DMD: variants seen among roughly 807,000 people sequenced by gnomAD.
DMD encodes the protein dystrophin.
Under a neutral mutation model 330.1 loss-of-function variants are expected in DMD, and 63 were observed. The observed-to-expected ratio is 0.19, with a 90% CI of 0.16 to 0.24. DMD has a LOEUF of 0.24. DMD is among the 10% of genes least tolerant of loss of function. DMD has a pLI of 1.00. For synonymous variants in DMD, 1,223 were observed against 959.8 expected (o/e 1.27, Z -5.07); for missense variants, 3,344 against 2,684.1 (o/e 1.25, Z -5.43).
intron 60 of DMD, among the ~76,000 whole-genome samples, chrX:31,362,590 T>C (rs935847963): frequency 2.7e-5 from 3 of 112,677 alleles, no homozygotes; most frequent in African/African-American, 9.7e-5. Flanking sequence ...AATACTTAAC[T>C]TGTTTTCCGA....
chrX:32,272,337 A>G (rs7055501), intron 43 of DMD, among the ~76,000 whole-genome samples: 7,676 of 111,908 alleles, frequency 0.069, 225 homozygotes, highest in African/African-American at 0.11. Context: ...AAAATCCTTT[A>G]CCACTTGGCT....
chrX:32,941,772 C>T (rs1487236997), intron 2 of DMD, among the ~76,000 whole-genome samples: 1 of 111,022 alleles, frequency 9.0e-6, no homozygotes, highest in Non-Finnish European at 1.9e-5. Flanking sequence ...ATGCTCCCTC[C>T]CATAAGGAGT....
At chrX:31,126,175 C>T (rs760690917) in intron 78 of DMD, among the ~76,000 whole-genome samples, 16 of 111,471 alleles carry the variant, frequency 1.4e-4, no homozygotes, top group Non-Finnish European at 2.5e-4. Flanking sequence ...AGAGAAAGAG[C>T]GTAGGAACCA....
chrX:32,787,869 A>G (rs1476056729), intron 7 of DMD, among the ~76,000 whole-genome samples: 1 of 111,341 alleles, frequency 9.0e-6, no homozygotes, highest in Non-Finnish European at 1.9e-5. Context: ...TTTTCCCTAC[A>G]GGAGTATAAA....
At chrX:31,126,822 AAACAG>A (rs2033760765) in intron 77 of DMD, 149 bp from the exon 78 acceptor site, 1 of 467,752 alleles carries the variant, frequency 2.1e-6, no homozygotes, top group Non-Finnish European at 3.7e-6. Context: ...AAAAAAAAAA[AAACAG>A]AAACAAAAAA....
At chrX:32,044,659 T>C (rs1173022181) in intron 44 of DMD, among the ~76,000 whole-genome samples, 5 of 110,825 alleles carry the variant, frequency 4.5e-5, no homozygotes, top group Non-Finnish European at 7.6e-5. Flanking sequence ...CCTGACATCA[T>C]GATCCGCCCG....
chrX:32,429,007 G>A (rs141426018), intron 29 of DMD, among the ~76,000 whole-genome samples: 1 of 110,838 alleles, frequency 9.0e-6, no homozygotes, highest in Non-Finnish European at 1.9e-5. Context: ...AATAAATTAG[G>A]TGTCTAAGCT....
At chrX:32,514,038 G>A (rs1038965596) in intron 18 of DMD, among the ~76,000 whole-genome samples, 7 of 110,667 alleles carry the variant, frequency 6.3e-5, no homozygotes, top group African/African-American at 9.9e-5. Flanking sequence ...TATAGGAGAG[G>A]ACACGTTCTA....
At chrX:31,443,600 A>G (rs1221484906) in intron 60 of DMD, among the ~76,000 whole-genome samples, 2 of 109,550 alleles carry the variant, frequency 1.8e-5, no homozygotes, top group South Asian at 8.1e-4. Flanking sequence ...AATTTGCTCC[A>G]GGTCCCATGG....
intron 63 of DMD, among the ~76,000 whole-genome samples, chrX:31,236,876 A>T (rs1285455096): frequency 8.9e-6 from 1 of 111,783 alleles, no homozygotes; most frequent in East Asian, 2.8e-4. Context: ...AACTAATCAT[A>T]TGTTTTGACA....
intron 44 of DMD, among the ~76,000 whole-genome samples, chrX:32,140,647 A>G (rs1204307799): frequency 2.7e-5 from 3 of 112,018 alleles, no homozygotes; most frequent in African/African-American, 9.8e-5. Context: ...ATAGTTCCAC[A>G]TGACTGGGGA....
chrX:31,904,083 T>C (rs753052571), intron 47 of DMD, among the ~76,000 whole-genome samples: 29 of 111,716 alleles, frequency 2.6e-4, no homozygotes, highest in African/African-American at 8.8e-4. Flanking sequence ...CCTTATACTA[T>C]CTCTTAGAGA....
At chrX:32,775,341 GT>G (rs927150357) in intron 7 of DMD, among the ~76,000 whole-genome samples, 1 of 112,636 alleles carries the variant, frequency 8.9e-6, no homozygotes, top group Non-Finnish European at 1.9e-5. Flanking sequence ...GGACTCTGTG[GT>G]GGGGGGAAGG....
intron 56 of DMD, among the ~76,000 whole-genome samples, chrX:31,503,925 G>C (rs2070678128): frequency 9.0e-6 from 1 of 111,257 alleles, no homozygotes; most frequent in African/African-American, 3.3e-5. Context: ...AGTTGGCAGA[G>C]AGAGAAGGTT....
At chrX:31,490,379 G>A (rs1373776595) in intron 57 of DMD, among the ~76,000 whole-genome samples, 7 of 110,915 alleles carry the variant, frequency 6.3e-5, no homozygotes, top group Admixed American at 9.6e-5. Flanking sequence ...TGGCTAACAC[G>A]GTGAAACCCC....
chrX:33,124,500 A>AAC (rs2095448011), intron 1 of DMD, among the ~76,000 whole-genome samples: 1 of 104,394 alleles, frequency 9.6e-6, no homozygotes, highest in African/African-American at 3.7e-5. Context: ...AAAAAAAAAA[A>AAC]AAAAAAAAAA....
chrX:33,127,971 C>A, intron 1 of DMD: 1 of 1,026,250 alleles, frequency 9.7e-7, no homozygotes, highest in Non-Finnish European at 1.3e-6. Context: ...TTCCTCACAA[C>A]AAAAGCCCCA....
chrX:32,222,047 CAT>C (rs1211677420), intron 43 of DMD, among the ~76,000 whole-genome samples: 1 of 111,915 alleles, frequency 8.9e-6, no homozygotes, highest in Non-Finnish European at 1.9e-5. Flanking sequence ...CTGCTATAAA[CAT>C]ATGCGTGCAA....
In DMD at chrX:31,819,979, T is replaced by A; in HGVS notation, c.7305A>T (p.Gly2435=). The change falls in exon 50 of 79, where the codon GGA becomes GGT. Residue 2435 remains glycine (G), a synonymous_variant. Coordinates refer to ENST00000357033, the MANE Select transcript of DMD (RefSeq NM_004006.3). ...AATGGGATCCAGTATACTTACAGGC[T>A]CCAATAGTGGTCAGTCCAGGAGCTA... The part of the protein sequence containing the change: ...PDLAPGLTTI[G]ASPTQTVTLV... 1 of 1,207,322 alleles carries A rather than the reference T, an allele frequency of 8.3e-7. No homozygotes were observed. The highest frequency in any genetic ancestry group is 1.1e-6 in the Non-Finnish European group (1 of 891,207).
Sources: gnomAD v4.1 joint callset for allele counts (sites outside exome capture counted in the v4.1 genomes callset) on GRCh38, gnomAD v4.1.1 for gene constraint, MANE v1.5 for transcripts, NCBI Gene and HGNC (gene_info 2026-07-23, HGNC 2026-07-21) for gene names.